Variants in PTPN14 observed in about 807,000 individuals in gnomAD.
The protein encoded by PTPN14 is tyrosine-protein phosphatase non-receptor type 14.
PTPN14 carries 53 observed loss-of-function variants against 126.8 expected under a neutral mutation model. The ratio of observed to expected loss-of-function variants is 0.42; its 90% CI spans 0.34 to 0.53. PTPN14 has a LOEUF of 0.53. PTPN14 is among the 20% of genes least tolerant of loss of function. The pLI, the probability that PTPN14 is intolerant of heterozygous loss-of-function variation, is 0.08. For missense variants in PTPN14, 1,257 were observed against 1,552.9 expected, an observed-to-expected ratio of 0.81 and a Z score of 3.20; for synonymous variants, 630 against 599.3, an observed-to-expected ratio of 1.05 and a Z score of -0.75.
chr1:214,539,538 T>C (rs904125333), intron 1 of PTPN14, among the ~76,000 whole-genome samples: 1 of 152,224 alleles, frequency 6.6e-6, no homozygotes, highest in African/African-American at 2.4e-5. Context: ...TCTTTTATCA[T>C]ACCCAAAAAG....
rs1476871414 is a variant in PTPN14 at position 214,551,358 on chromosome 1, G to A, written c.-330C>T. 2.0e-5 allele frequency: 3 copies of A among 152,670 alleles called. No individual in the cohort carries two copies. Among genetic ancestry groups the A allele is most frequent in the East Asian group, 1.9e-4 (1 of 5,196 alleles). The allele number at this position is 152,670 out of a possible 1,614,324, so 9.5% of individuals were successfully genotyped here. On this transcript the variant is annotated 5_prime_UTR_variant, in exon 1 of 19. Coordinates refer to ENST00000366956, the MANE Select transcript of PTPN14 (RefSeq NM_005401.5). ...TTTCCGCCGCGATCCCGGCGCGAGA[G>A]TCCGAGCAGAGGCGCACCGGGGGAG...
intron 1 of PTPN14, chr1:214,533,264 G>A (rs1490007172): frequency 3.2e-6 from 2 of 616,976 alleles, no homozygotes; most frequent in African/African-American, 1.8e-5. Flanking sequence ...GCCCAGGAGT[G>A]CGAGGCCCTG....
At chr1:214,374,556 CAT>C (rs1021582249) in intron 15 of PTPN14, among the ~76,000 whole-genome samples, 3 of 152,226 alleles carry the variant, frequency 2.0e-5, no homozygotes, top group Non-Finnish European at 2.9e-5. Context: ...AGATTTCACA[CAT>C]GTGATTCCAC....
chr1:214,382,546 G>T (rs906525744), intron 13 of PTPN14, among the ~76,000 whole-genome samples: 1 of 152,030 alleles, frequency 6.6e-6, no homozygotes, highest in East Asian at 1.9e-4. Flanking sequence ...TGCCCAGGCT[G>T]GCTTCATACT....
chr1:214,413,658 T>A (rs527689746), intron 4 of PTPN14, among the ~76,000 whole-genome samples: 2 of 152,284 alleles, frequency 1.3e-5, no homozygotes, highest in South Asian at 2.1e-4. Context: ...CTTGCTTTTT[T>A]AAAAAAATGT....
intron 1 of PTPN14, among the ~76,000 whole-genome samples, chr1:214,526,792 TG>T (rs1655410621): frequency 6.6e-6 from 1 of 151,850 alleles, no homozygotes; most frequent in Non-Finnish European, 1.5e-5. Flanking sequence ...AGTCATGAAG[TG>T]GTAAAGAGAG....
chr1:214,517,614 T>C (rs986736985), intron 1 of PTPN14, among the ~76,000 whole-genome samples: 1 of 151,486 alleles, frequency 6.6e-6, no homozygotes, highest in Non-Finnish European at 1.5e-5. Context: ...TGAGATGACA[T>C]GGAAAGAAAA....
intron 3 of PTPN14, among the ~76,000 whole-genome samples, chr1:214,446,521 G>A (rs13374272): frequency 0.084 from 12,773 of 152,036 alleles, 1,837 homozygotes; most frequent in African/African-American, 0.29. Context: ...AACCAATTTG[G>A]ACTTGATAAT....
intron 18 of PTPN14, among the ~76,000 whole-genome samples, chr1:214,361,616 C>T (rs1224379856): frequency 6.6e-6 from 1 of 152,228 alleles, no homozygotes; most frequent in South Asian, 2.1e-4. Context: ...GTATAACTTA[C>T]TCAGAAAAGC....
chr1:214,456,703 A>G (rs1660390938), intron 2 of PTPN14, among the ~76,000 whole-genome samples: 1 of 152,216 alleles, frequency 6.6e-6, no homozygotes, highest in Admixed American at 6.5e-5. Flanking sequence ...AGAAAGATGA[A>G]GACGTACAAG....
intron 7 of PTPN14, among the ~76,000 whole-genome samples, chr1:214,400,531 G>C (rs191693982): frequency 3.7e-4 from 57 of 152,132 alleles, no homozygotes; most frequent in African/African-American, 1.3e-3. Flanking sequence ...AACTGCCCCT[G>C]TTTCTCGCAG....
At chr1:214,479,006 A>T (rs1157202523) in intron 1 of PTPN14, among the ~76,000 whole-genome samples, 1 of 151,964 alleles carries the variant, frequency 6.6e-6, no homozygotes, top group Non-Finnish European at 1.5e-5. Flanking sequence ...ACAAAATAGT[A>T]CATTTTGCTT....
intron 1 of PTPN14, among the ~76,000 whole-genome samples, chr1:214,502,517 A>G (rs1378057588): frequency 1.3e-5 from 2 of 152,136 alleles, no homozygotes; most frequent in Non-Finnish European, 2.9e-5. Context: ...TATTCATTCA[A>G]CTTATTTTTT....
At chr1:214,466,916 A>T (rs1281696630) in intron 1 of PTPN14, among the ~76,000 whole-genome samples, 2 of 152,194 alleles carry the variant, frequency 1.3e-5, no homozygotes, top group Non-Finnish European at 2.9e-5. Flanking sequence ...GGAGGTTGTC[A>T]GGTTATAACC....
intron 1 of PTPN14, among the ~76,000 whole-genome samples, chr1:214,512,688 A>G (rs999790156): frequency 6.6e-6 from 1 of 152,164 alleles, no homozygotes; most frequent in African/African-American, 2.4e-5. Flanking sequence ...TTTAGATGCT[A>G]AAAAAATACG....
At chr1:214,515,535 A>G (rs1217238744) in intron 1 of PTPN14, among the ~76,000 whole-genome samples, 4 of 152,308 alleles carry the variant, frequency 2.6e-5, no homozygotes, top group Middle Eastern at 3.4e-3. Flanking sequence ...ATTGCACTGA[A>G]TCTATATATT....
intron 1 of PTPN14, among the ~76,000 whole-genome samples, chr1:214,527,837 C>T (rs1655439688): frequency 1.3e-5 from 2 of 152,182 alleles, no homozygotes; most frequent in African/African-American, 4.8e-5. Flanking sequence ...ATGTTTTTCT[C>T]TTCATAGCTT....
chr1:214,396,758 A>G (rs17731174), intron 8 of PTPN14, among the ~76,000 whole-genome samples: 25,597 of 152,234 alleles, frequency 0.17, 2,887 homozygotes, highest in Non-Finnish European at 0.24. Context: ...GGTGTGCAAG[A>G]CTTGTTTACT....
intron 3 of PTPN14, among the ~76,000 whole-genome samples, chr1:214,439,483 G>A (rs1485382851): frequency 6.6e-6 from 1 of 152,078 alleles, no homozygotes; most frequent in African/African-American, 2.4e-5. Context: ...TTAAACTTAC[G>A]TCAAAGTTGC....
Sources: allele counts gnomAD v4.1 joint callset (sites outside exome capture counted in the v4.1 genomes callset), GRCh38; gene constraint gnomAD v4.1.1; transcripts MANE v1.5; gene names NCBI Gene and HGNC (gene_info 2026-07-23, HGNC 2026-07-21).